Variants in ZNF704 observed in about 807,000 individuals in gnomAD.
The protein encoded by ZNF704 is zinc finger protein 704, also known as glucocorticoid induced gene 1.
ZNF704 carries 10 observed loss-of-function variants against 44.7 expected under a neutral mutation model. The ratio of observed to expected loss-of-function variants is 0.22; its 90% CI spans 0.14 to 0.38. The LOEUF is 0.38. Ranked by LOEUF, ZNF704 falls within the 10% of genes least tolerant of loss-of-function variation. The probability of loss-of-function intolerance (pLI) is 1.00; values close to 1 mark genes in which losing one functional copy is unlikely to be tolerated. For synonymous variants in ZNF704, 211 were observed against 207.6 expected (o/e 1.02, Z -0.14); for missense variants, 390 against 545.5 (o/e 0.71, Z 2.84).
Position 80,640,944 on chromosome 8 carries a change from T to C in ZNF704, c.*422A>G, listed in dbSNP as rs966137786. On this transcript the variant is annotated 3_prime_UTR_variant, in exon 9 of 9. Coordinates refer to ENST00000327835, the MANE Select transcript of ZNF704 (RefSeq NM_001033723.3). ...GTATTGATCTTTGTACAAATGCTAC[T>C]GAATAACCTGTAGCTTGTTTTTTAA... 1 of 156,392 alleles carries C rather than the reference T, an allele frequency of 6.4e-6. No homozygotes were observed. Among genetic ancestry groups the C allele is most frequent in the Admixed American group, 6.2e-5 (1 of 16,096 alleles). The allele number at this position is 156,392 out of a possible 1,614,324, so 9.7% of individuals were successfully genotyped here.
intron 8 of ZNF704, among the ~76,000 whole-genome samples, chr8:80,641,762 G>A (rs752198505): frequency 4.6e-5 from 7 of 152,138 alleles, no homozygotes; most frequent in Non-Finnish European, 8.8e-5. Flanking sequence ...TCAGGAGGCT[G>A]AGGCAGGAGA....
rs561690876 is a variant in ZNF704 at position 80,825,718 on chromosome 8, C to A, written c.-21-4103G>T. 1.3e-4 allele frequency among the ~76,000 whole-genome samples: 20 copies of A among 152,298 alleles called. 1 individual carries two copies. In the South Asian group the frequency reaches 3.7e-3, roughly 28 times the overall value. On this transcript the variant is annotated intron_variant, in intron 1 of 8. Coordinates refer to ENST00000327835, the MANE Select transcript of ZNF704 (RefSeq NM_001033723.3). The stretch of plus-strand genomic sequence containing the variant: ...AAATGTAAAAGAACAGAAATTATAA[C>A]AAACTGTCTCTCAGACCACAGTGCA...
chr8:80,787,059 C>T (rs1807627143), intron 2 of ZNF704, among the ~76,000 whole-genome samples: 1 of 152,122 alleles, frequency 6.6e-6, no homozygotes, highest in African/African-American at 2.4e-5. Flanking sequence ...GGATAGTATA[C>T]ACTTTAATTG....
intron 4 of ZNF704, 137 bp downstream of exon 4, chr8:80,687,088 AT>A: frequency 1.4e-6 from 1 of 696,434 alleles, no homozygotes; most frequent in Non-Finnish European, 2.4e-6. Context: ...CTTCAAGAAC[AT>A]TAAAGAGGAA....
In ZNF704 at chr8:80,687,442, G is replaced by A. The variant is rs377482862; in HGVS notation, c.342C>T (p.Ser114=). Residue 114 remains serine (S), a synonymous_variant, in exon 4 of 9, where the codon TCC becomes TCT. Transcript: ENST00000327835. ...PVRPNESLSG[S]WKEGGCVPSS... The stretch of plus-strand genomic sequence containing the variant: ...AAGGCACGCAGCCGCCCTCCTTCCA[G>A]GATCCGCTGAGGCTCTCTGCATGCA... 4.0e-4 allele frequency: 635 copies of A among 1,573,884 alleles called. 1 individual carries two copies. The highest frequency in any genetic ancestry group is 5.0e-4 in the Non-Finnish European group (577 of 1,161,774).
intron 2 of ZNF704, among the ~76,000 whole-genome samples, chr8:80,746,113 G>A (rs1485234671): frequency 1.4e-4 from 22 of 152,172 alleles, no homozygotes; most frequent in Admixed American, 1.4e-3. Flanking sequence ...ATGCTTTCAG[G>A]TATTTACCCA....
intron 2 of ZNF704, among the ~76,000 whole-genome samples, chr8:80,729,022 A>C (rs1473586813): frequency 1.3e-5 from 2 of 152,226 alleles, no homozygotes; most frequent in Admixed American, 1.3e-4. Flanking sequence ...ACGAAGGAAC[A>C]AACGGAATAC....
chr8:80,871,469 T>C (rs567211976), intron 1 of ZNF704, among the ~76,000 whole-genome samples: 26 of 152,344 alleles, frequency 1.7e-4, no homozygotes, highest in Non-Finnish European at 3.1e-4. Flanking sequence ...TCACCCACAG[T>C]AGCTTTCTCT....
intron 2 of ZNF704, among the ~76,000 whole-genome samples, chr8:80,804,226 G>A (rs1807949033): frequency 6.6e-6 from 1 of 152,140 alleles, no homozygotes; most frequent in South Asian, 2.1e-4. Flanking sequence ...TACACTGTTG[G>A]GAGTGTAAAT....
At chr8:80,786,015 T>C (rs1432336125) in intron 2 of ZNF704, among the ~76,000 whole-genome samples, 1 of 152,102 alleles carries the variant, frequency 6.6e-6, no homozygotes, top group Non-Finnish European at 1.5e-5. Flanking sequence ...ATCCCAGCAC[T>C]TTGGGAGGCT....
intron 2 of ZNF704, among the ~76,000 whole-genome samples, chr8:80,715,722 G>A (rs1160120457): frequency 6.6e-6 from 1 of 152,150 alleles, no homozygotes; most frequent in Non-Finnish European, 1.5e-5. Flanking sequence ...CTCTGGGAGT[G>A]GGGCTGGGGC....
At chr8:80,670,851 G>A (rs1818266930) in intron 4 of ZNF704, among the ~76,000 whole-genome samples, 1 of 152,178 alleles carries the variant, frequency 6.6e-6, no homozygotes, top group South Asian at 2.1e-4. Flanking sequence ...CATGAAGGTA[G>A]TCACAGGGCC....
At position 80,635,229 on chromosome 8, in the gene ZNF704, T is replaced by C. The variant is rs562805000; in HGVS notation, c.*6137A>G. 1 of 152,250 alleles carries C rather than the reference T, an allele frequency of 6.6e-6. No individual in the cohort carries two copies. The highest frequency in any genetic ancestry group is 2.1e-4 in the South Asian group (1 of 4,828). The allele number at this position is 152,250 out of a possible 1,614,324, so 9.4% of individuals were successfully genotyped here. A position where few individuals can be genotyped will look rare whatever the true frequency, so the allele number is the denominator to read the frequency against. ...GAAAAAACTGTACAGCATTATGAAATGGTTTTGGCAAAGCTCTGAATTATT... is the reference window on the plus strand; with the variant it reads ...GAAAAAACTGTACAGCATTATGAAACGGTTTTGGCAAAGCTCTGAATTATT... On this transcript the variant is annotated 3_prime_UTR_variant, in exon 9 of 9. Coordinates refer to ENST00000327835, the MANE Select transcript of ZNF704 (RefSeq NM_001033723.3).
At chr8:80,848,170 A>G (rs1198167849) in intron 1 of ZNF704, among the ~76,000 whole-genome samples, 1 of 152,238 alleles carries the variant, frequency 6.6e-6, no homozygotes, top group Non-Finnish European at 1.5e-5. Flanking sequence ...TTCCATGTAT[A>G]TAACATTCTC....
chr8:80,678,476 C>T (rs1367831763), intron 4 of ZNF704, among the ~76,000 whole-genome samples: 1 of 152,134 alleles, frequency 6.6e-6, no homozygotes, highest in Non-Finnish European at 1.5e-5. Flanking sequence ...AATTTGAGGG[C>T]AATACAGGTT....
In ZNF704 at chr8:80,762,844, A is replaced by G. The variant is rs1181266438; in HGVS notation, c.221+58530T>C. Among the ~76,000 whole-genome samples the G allele has an allele frequency of 2.0e-5, 3 of 152,354 alleles. No individual in the cohort carries two copies. The East Asian group carries it at 5.8e-4, about 29-fold the overall frequency. On this transcript the variant is annotated intron_variant, in intron 2 of 8. Transcript: ENST00000327835. Reference sequence around the variant, plus strand: ...AGCAAGTTAGTTCCTTGCAAGGTACAATGAGGGTACAGATTGGATAAATGC... The same window carrying G: ...AGCAAGTTAGTTCCTTGCAAGGTACGATGAGGGTACAGATTGGATAAATGC...
At chr8:80,830,206 CGA>C (rs1563569031) in intron 1 of ZNF704, among the ~76,000 whole-genome samples, 1 of 151,524 alleles carries the variant, frequency 6.6e-6, no homozygotes, top group African/African-American at 2.4e-5. Flanking sequence ...GGATGATGGA[CGA>C]GAGAGAATTT....
intron 7 of ZNF704, among the ~76,000 whole-genome samples, chr8:80,649,386 G>T (rs367912222): frequency 6.6e-6 from 1 of 152,184 alleles, no homozygotes; most frequent in Non-Finnish European, 1.5e-5. Context: ...CCCGGGAAGC[G>T]CAAGGGCTCA....
rs139430370 is a variant in ZNF704 at position 80,834,733 on chromosome 8, T to C, written c.-21-13118A>G. Among the ~76,000 whole-genome samples, 770 of 152,280 alleles carry C rather than the reference T, an allele frequency of 5.1e-3. 5 individuals are homozygous for C. Among genetic ancestry groups the C allele is most frequent in the African/African-American group, 0.018 (729 of 41,542 alleles). On this transcript the variant is annotated intron_variant, in intron 1 of 8. Coordinates refer to ENST00000327835, the MANE Select transcript of ZNF704 (RefSeq NM_001033723.3). Reference sequence around the variant, plus strand: ...GGTGTGTGATGTTCCCCTCCCTGTGTCCATGTGTTCTCACTGTTGAACTCC... The same window carrying C: ...GGTGTGTGATGTTCCCCTCCCTGTGCCCATGTGTTCTCACTGTTGAACTCC...
Sources: allele counts gnomAD v4.1 joint callset (sites outside exome capture counted in the v4.1 genomes callset), GRCh38; gene constraint gnomAD v4.1.1; transcripts MANE v1.5; gene names NCBI Gene and HGNC (gene_info 2026-07-23, HGNC 2026-07-21).